KSR1: variants seen among roughly 807,000 people sequenced by gnomAD.
KSR1 encodes the protein kinase suppressor of ras 1, also known as kinase suppressor of ras.
In KSR1, 35 loss-of-function variants were observed where a neutral mutation model predicts 92.9. The ratio of observed to expected loss-of-function variants is 0.38; its 90% CI spans 0.29 to 0.50. KSR1 has a LOEUF of 0.50. Among genes scored for constraint, KSR1 ranks in the 20% least tolerant of loss-of-function variants. The probability of loss-of-function intolerance (pLI) is 0.94; values close to 1 mark genes in which losing one functional copy is unlikely to be tolerated. For missense variants in KSR1, 972 were observed against 1,158.5 expected, an observed-to-expected ratio of 0.84 and a Z score of 2.34; for synonymous variants, 467 against 472.6, an observed-to-expected ratio of 0.99 and a Z score of 0.15.
At chr17:27,561,982 A>C (rs1290478991) in intron 2 of KSR1, among the ~76,000 whole-genome samples, 1 of 152,142 alleles carries the variant, frequency 6.6e-6, no homozygotes, top group Non-Finnish European at 1.5e-5. Flanking sequence ...AGTAGCTGAG[A>C]CCACAGGAAC....
intron 3 of KSR1, chr17:27,580,023 A>ACTG (rs1371043760): frequency 6.7e-6 from 1 of 150,142 alleles, no homozygotes; most frequent in Non-Finnish European, 1.5e-5. Flanking sequence ...TTTCTGTGTG[A>ACTG]CTGTAGTGTC....
intron 10 of KSR1, among the ~76,000 whole-genome samples, chr17:27,598,301 C>G (rs1392542016): frequency 6.6e-6 from 1 of 152,202 alleles, no homozygotes; most frequent in Non-Finnish European, 1.5e-5. Flanking sequence ...CCGTCTCCAG[C>G]CCATAGAGTC....
intron 1 of KSR1, among the ~76,000 whole-genome samples, chr17:27,545,752 G>C (rs1023430026): frequency 2.6e-5 from 4 of 152,196 alleles, no homozygotes; most frequent in African/African-American, 9.7e-5. Flanking sequence ...CCTTGTAGGC[G>C]GAGAGTCACT....
chr17:27,605,757 C>G lies in KSR1; in HGVS notation c.1938C>G (p.Asn646Lys). The G allele has an allele frequency of 6.2e-7, 1 of 1,612,760 alleles. No individual in the cohort carries two copies. Among genetic ancestry groups the G allele is most frequent in the Non-Finnish European group, 8.5e-7 (1 of 1,179,814 alleles). ...VMNYRQTRHE[N>K]VVLFMGACMN... ...ACTACCGGCAGACGCGGCATGAGAA[C>G]GTGGTGCTCTTCATGGGGGCCTGCA... The change falls in exon 14 of 21, where the codon AAC (asparagine) becomes AAG (lysine). Residue 646 changes from asparagine to lysine, a missense_variant. By Grantham distance (94) the Asn-to-Lys change is moderately conservative. Coordinates refer to ENST00000644974, the MANE Select transcript of KSR1 (RefSeq NM_001394583.1).
At chr17:27,521,094 C>T (rs954185936) in intron 1 of KSR1, among the ~76,000 whole-genome samples, 2 of 152,184 alleles carry the variant, frequency 1.3e-5, no homozygotes, top group East Asian at 3.9e-4. Context: ...ATGTTTGAAT[C>T]ATGGGTGCTT....
intron 1 of KSR1, among the ~76,000 whole-genome samples, chr17:27,508,831 G>T (rs2069493221): frequency 6.6e-6 from 1 of 151,968 alleles, no homozygotes; most frequent in South Asian, 2.1e-4. Flanking sequence ...CCGGGTTCAA[G>T]TGATTCTCCT....
chr17:27,583,227 G>T (rs758726702), intron 4 of KSR1, 122 bp downstream of exon 4: 79 of 676,268 alleles, frequency 1.2e-4, no homozygotes, highest in Non-Finnish European at 1.8e-4. Flanking sequence ...AGTAAAAGGT[G>T]CCCCCATCTT....
chr17:27,592,676 T>A (rs1045882364), intron 9 of KSR1, 50 bp downstream of exon 9: 1 of 1,488,300 alleles, frequency 6.7e-7, no homozygotes, highest in Non-Finnish European at 9.2e-7. Context: ...TGGCCTTCCT[T>A]CCTATAAAGC....
chr17:27,620,216 G>A (rs2074186164), intron 19 of KSR1, among the ~76,000 whole-genome samples: 1 of 152,230 alleles, frequency 6.6e-6, no homozygotes, highest in Admixed American at 6.5e-5. Flanking sequence ...CTTAGGATGG[G>A]TCGGAGTCCA....
chr17:27,479,287 C>T (rs1033135074), intron 1 of KSR1, among the ~76,000 whole-genome samples: 1 of 144,504 alleles, frequency 6.9e-6, no homozygotes, highest in African/African-American at 2.6e-5. Context: ...TGTGCTCTGC[C>T]CCTCCTCCCC....
chr17:27,500,512 A>G (rs980298704), intron 1 of KSR1, among the ~76,000 whole-genome samples: 2 of 152,224 alleles, frequency 1.3e-5, no homozygotes, highest in Non-Finnish European at 1.5e-5. Flanking sequence ...ATGCTTAGCC[A>G]TGCACCTGGA....
intron 2 of KSR1, among the ~76,000 whole-genome samples, chr17:27,571,980 G>A (rs887086404): frequency 7.9e-5 from 12 of 152,274 alleles, no homozygotes; most frequent in South Asian, 2.1e-4. Context: ...CTGAGCTGCC[G>A]GCTTACCCAG....
At chr17:27,516,512 C>T (rs1318289391) in intron 1 of KSR1, among the ~76,000 whole-genome samples, 4 of 151,492 alleles carry the variant, frequency 2.6e-5, no homozygotes, top group Non-Finnish European at 4.4e-5. Flanking sequence ...AGTAGAGTCT[C>T]CCTCCCCCTC....
intron 1 of KSR1, among the ~76,000 whole-genome samples, chr17:27,493,366 G>T (rs370841030): frequency 1.8e-4 from 27 of 152,274 alleles, no homozygotes; most frequent in East Asian, 1.7e-3. Context: ...CAATTCTGAG[G>T]CAAAGGCTGT....
chr17:27,505,876 C>T (rs896130426), intron 1 of KSR1, among the ~76,000 whole-genome samples: 1 of 152,156 alleles, frequency 6.6e-6, no homozygotes, highest in Admixed American at 6.5e-5. Context: ...ACTTGAAGCA[C>T]CGTGGTTCTA....
chr17:27,487,590 A>ATT (rs1567755379), intron 1 of KSR1, among the ~76,000 whole-genome samples: 1 of 151,760 alleles, frequency 6.6e-6, no homozygotes, highest in East Asian at 1.9e-4. Flanking sequence ...CTCTTTTAAA[A>ATT]AAAAAAAAAA....
At chr17:27,588,836 G>T (rs2073068346) in intron 6 of KSR1, among the ~76,000 whole-genome samples, 1 of 152,192 alleles carries the variant, frequency 6.6e-6, no homozygotes, top group South Asian at 2.1e-4. Flanking sequence ...TCATGGGAAG[G>T]AGTCACAGGA....
chr17:27,565,418 C>T (rs887146260), intron 2 of KSR1, among the ~76,000 whole-genome samples: 6 of 152,158 alleles, frequency 3.9e-5, no homozygotes, highest in Non-Finnish European at 8.8e-5. Flanking sequence ...GGAAAAACTA[C>T]GTGAAATTAT....
chr17:27,526,916 A>G, intron 1 of KSR1: 1 of 622,082 alleles, frequency 1.6e-6, no homozygotes. Flanking sequence ...GGACTTGGTT[A>G]CTCAGGAGGG....
Sources: gnomAD v4.1 joint callset for allele counts (sites outside exome capture counted in the v4.1 genomes callset) on GRCh38, gnomAD v4.1.1 for gene constraint, MANE v1.5 for transcripts, NCBI Gene and HGNC (gene_info 2026-07-23, HGNC 2026-07-21) for gene names.